The following POLA1 variants were observed in gnomAD, a reference collection of about 807,000 sequenced individuals.
The protein encoded by POLA1 is DNA polymerase alpha 1, catalytic subunit.
Under a neutral mutation model 124.0 loss-of-function variants are expected in POLA1, and 15 were observed. The observed-to-expected ratio is 0.12, with a 90% CI of 0.08 to 0.19. The LOEUF (loss-of-function observed/expected upper bound fraction) is 0.19, where lower values mean the gene tolerates loss of function less well. Among genes scored for constraint, POLA1 ranks in the 10% least tolerant of loss-of-function variants. POLA1 has a pLI of 1.00. For missense variants in POLA1, 886 were observed against 1,103.4 expected (o/e 0.80, Z 2.79); for synonymous variants, 408 against 389.4 (o/e 1.05, Z -0.56).
chrX:24,955,951 A>G (rs1404709904), intron 36 of POLA1, among the ~76,000 whole-genome samples: 1 of 111,996 alleles, frequency 8.9e-6, no homozygotes, highest in East Asian at 2.8e-4. Context: ...CAGTTATTCT[A>G]CCTAACTCCT....
intron 2 of POLA1, among the ~76,000 whole-genome samples, chrX:24,701,611 A>G (rs916906267): frequency 1.9e-5 from 2 of 103,700 alleles, no homozygotes; most frequent in Non-Finnish European, 4.0e-5. Flanking sequence ...AATTTTTATA[A>G]TTTTAGTAGA....
chrX:24,841,459 T>G (rs2046408054), intron 32 of POLA1, among the ~76,000 whole-genome samples, 193 bp from the exon 33 acceptor site: 1 of 112,247 alleles, frequency 8.9e-6, no homozygotes. Flanking sequence ...ATTTCTGTGT[T>G]GTGTTGTTGC....
chrX:24,824,109 G>GA (rs1416803436), intron 31 of POLA1, among the ~76,000 whole-genome samples: 1 of 111,517 alleles, frequency 9.0e-6, no homozygotes, highest in Non-Finnish European at 1.9e-5. Flanking sequence ...AGTTTTGTAT[G>GA]AATCGACTGC....
At chrX:24,708,961 G>A (rs1929035612) in intron 4 of POLA1, among the ~76,000 whole-genome samples, 3 of 75,757 alleles carry the variant, frequency 4.0e-5, no homozygotes, top group African/African-American at 4.5e-5. Context: ...AGTAGGGGCG[G>A]CCGGGCAGAG....
At chrX:24,754,546 AC>A (rs1366670565) in intron 26 of POLA1, among the ~76,000 whole-genome samples, 2 of 111,392 alleles carry the variant, frequency 1.8e-5, no homozygotes, top group Non-Finnish European at 3.8e-5. Flanking sequence ...GAGCCACCGC[AC>A]CCCGCTGTGA....
intron 26 of POLA1, among the ~76,000 whole-genome samples, chrX:24,752,807 T>C (rs1932389526): frequency 9.0e-6 from 1 of 111,509 alleles, no homozygotes; most frequent in East Asian, 2.8e-4. Context: ...TCATTAGTTA[T>C]ATTGATAGGA....
chrX:24,972,130 G>A (rs934472528), intron 36 of POLA1, among the ~76,000 whole-genome samples: 4 of 109,980 alleles, frequency 3.6e-5, no homozygotes, highest in East Asian at 2.8e-4. Flanking sequence ...CACCACGCCC[G>A]GCTAAGTTTT....
chrX:24,766,217 C>T (rs1355045725), intron 26 of POLA1, among the ~76,000 whole-genome samples: 3 of 112,230 alleles, frequency 2.7e-5, no homozygotes, highest in South Asian at 3.7e-4. Context: ...TCTAGCTCAA[C>T]ACCCTGTTTC....
At chrX:24,753,782 ACT>A (rs1223739019) in intron 26 of POLA1, among the ~76,000 whole-genome samples, 1 of 111,615 alleles carries the variant, frequency 9.0e-6, no homozygotes, top group Non-Finnish European at 1.9e-5. Flanking sequence ...TTATTTCTCT[ACT>A]CTCTTATTTC....
intron 26 of POLA1, among the ~76,000 whole-genome samples, chrX:24,769,412 T>C (rs2044979379): frequency 9.0e-6 from 1 of 111,663 alleles, no homozygotes; most frequent in Admixed American, 9.5e-5. Context: ...ATGGGAAGTG[T>C]AATGCTTCCT....
At chrX:24,755,790 C>G (rs1932571069) in intron 26 of POLA1, among the ~76,000 whole-genome samples, 1 of 112,058 alleles carries the variant, frequency 8.9e-6, no homozygotes, top group East Asian at 2.8e-4. Context: ...CTAAAAGTTG[C>G]AAGGTTTGGA....
At chrX:24,808,520 T>G (rs2045843939) in intron 26 of POLA1, among the ~76,000 whole-genome samples, 1 of 110,849 alleles carries the variant, frequency 9.0e-6, no homozygotes, top group Non-Finnish European at 1.9e-5. Context: ...TTGTTTGTTT[T>G]TTTTTTTTTA....
At chrX:24,790,781 A>C (rs948623402) in intron 26 of POLA1, among the ~76,000 whole-genome samples, 35 of 109,375 alleles carry the variant, frequency 3.2e-4, no homozygotes, top group African/African-American at 1.1e-3. Context: ...CAGAAGTAAA[A>C]TTGAGAATAT....
chrX:24,938,244 C>A (rs1399185822), intron 36 of POLA1, among the ~76,000 whole-genome samples: 3 of 111,518 alleles, frequency 2.7e-5, no homozygotes, highest in African/African-American at 9.8e-5. Flanking sequence ...GTGAAACCTC[C>A]GTCTCTATTA....
At chrX:24,882,633 G>T (rs959144928) in intron 34 of POLA1, among the ~76,000 whole-genome samples, 33 of 109,697 alleles carry the variant, frequency 3.0e-4, no homozygotes, top group African/African-American at 1.1e-3. Context: ...CCGTGTTGCT[G>T]CAAAGAACAT....
At chrX:24,789,075 C>T (rs777873166) in intron 26 of POLA1, 7 of 1,203,627 alleles carry the variant, frequency 5.8e-6, no homozygotes, top group South Asian at 1.8e-5. Flanking sequence ...CCCATGGTGT[C>T]GGCTGTATCC....
chrX:24,742,188 G>GC (rs1931712766), intron 22 of POLA1, 67 bp downstream of exon 22: 6 of 963,628 alleles, frequency 6.2e-6, no homozygotes, highest in Non-Finnish European at 7.0e-6. Context: ...TACCTAGATA[G>GC]CCTTTTTTTT....
chrX:24,852,954 G>T (rs2046585931), intron 34 of POLA1, among the ~76,000 whole-genome samples: 1 of 111,756 alleles, frequency 8.9e-6, no homozygotes, highest in South Asian at 3.8e-4. Flanking sequence ...GCATCAAGTG[G>T]CAAGAAAAAA....
intron 35 of POLA1, among the ~76,000 whole-genome samples, chrX:24,905,416 G>A (rs1601855008): frequency 1.1e-5 from 1 of 95,160 alleles, no homozygotes; most frequent in African/African-American, 3.7e-5. Context: ...AGATTGCTGG[G>A]GTGGGGGGGT....
Sources: allele counts gnomAD v4.1 joint callset (sites outside exome capture counted in the v4.1 genomes callset), GRCh38; gene constraint gnomAD v4.1.1; transcripts MANE v1.5; gene names NCBI Gene and HGNC (gene_info 2026-07-23, HGNC 2026-07-21).